The following CCDC91 variants were observed in gnomAD, a reference collection of about 807,000 sequenced individuals.
CCDC91 encodes coiled-coil domain containing 91, also known as coiled-coil domain-containing protein 91.
Under a neutral mutation model 63.2 loss-of-function variants are expected in CCDC91, and 48 were observed. The ratio of observed to expected loss-of-function variants is 0.76; its 90% CI spans 0.60 to 0.97. The LOEUF is 0.97. Ranked by LOEUF, CCDC91 falls within the 50% of genes least tolerant of loss-of-function variation. The pLI is 0.00. For synonymous variants in CCDC91, 167 were observed against 165.8 expected (o/e 1.01, Z -0.06); for missense variants, 500 against 494.6 (o/e 1.01, Z -0.10).
chr12:28,400,909 A>G (rs1222701342), intron 8 of CCDC91, among the ~76,000 whole-genome samples: 1 of 152,174 alleles, frequency 6.6e-6, no homozygotes, highest in Non-Finnish European at 1.5e-5. Flanking sequence ...CATTTTGGTC[A>G]AAGCCATTAA....
intron 6 of CCDC91, among the ~76,000 whole-genome samples, chr12:28,321,946 A>G (rs1378580149): frequency 6.6e-6 from 1 of 151,640 alleles, no homozygotes; most frequent in Non-Finnish European, 1.5e-5. Context: ...GTGTATAGTG[A>G]TACATATATC....
rs528818328 is a variant in CCDC91, at chr12:28,255,476, T to C, written c.-14-1726T>C. On this transcript the variant is annotated intron_variant, in intron 1 of 12. Coordinates refer to ENST00000536442, the MANE Select transcript of CCDC91 (RefSeq NM_018318.5). ...TTTCATAATTTCTTCATGAAAAATGTAGCCACATACAGATTTCTGTTCACT... is the reference window on the plus strand; with the variant it reads ...TTTCATAATTTCTTCATGAAAAATGCAGCCACATACAGATTTCTGTTCACT... The C allele has an allele frequency of 2.0e-5, 3 of 152,354 alleles. No homozygotes were observed. The East Asian group carries it at 5.8e-4, about 29-fold the overall frequency. The allele number at this position is 152,354 out of a possible 1,614,324, so 9.4% of individuals were successfully genotyped here.
chr12:28,408,645 A>AT (rs929457900), intron 8 of CCDC91, among the ~76,000 whole-genome samples: 4 of 151,670 alleles, frequency 2.6e-5, no homozygotes, highest in East Asian at 1.9e-4. Flanking sequence ...TTATTTTTTT[A>AT]TTTTTTTATT....
chr12:28,298,711 C>T (rs1937688595), intron 3 of CCDC91, among the ~76,000 whole-genome samples: 1 of 147,438 alleles, frequency 6.8e-6, no homozygotes. Context: ...TTTATGTTAG[C>T]ATTTCCTTGA....
At chr12:28,208,959 C>G (rs1363900752) in intron 1 of CCDC91, among the ~76,000 whole-genome samples, 2 of 152,078 alleles carry the variant, frequency 1.3e-5, no homozygotes, top group African/African-American at 4.8e-5. Flanking sequence ...TGCCACCATG[C>G]CCGGCTAATT....
intron 7 of CCDC91, among the ~76,000 whole-genome samples, chr12:28,373,235 A>G (rs1348045269): frequency 6.6e-6 from 1 of 152,002 alleles, no homozygotes; most frequent in Non-Finnish European, 1.5e-5. Context: ...ATACACTATG[A>G]GTTATTTTTA....
At chr12:28,421,986 G>A (rs1326112364) in intron 8 of CCDC91, among the ~76,000 whole-genome samples, 1 of 151,934 alleles carries the variant, frequency 6.6e-6, no homozygotes, top group Admixed American at 6.6e-5. Context: ...TTTCTAATTT[G>A]CCTATACATA....
intron 3 of CCDC91, among the ~76,000 whole-genome samples, chr12:28,259,736 A>T (rs1303961702): frequency 1.3e-5 from 2 of 152,074 alleles, no homozygotes; most frequent in East Asian, 3.9e-4. Flanking sequence ...GAGGTGCCCA[A>T]TAACTTTTTT....
chr12:28,259,064 A>C (rs117291481), intron 2 of CCDC91, among the ~76,000 whole-genome samples: 2,048 of 152,102 alleles, frequency 0.013, 21 homozygotes, highest in Non-Finnish European at 0.022. Context: ...AAAATACTTA[A>C]ATATAAAGTT....
chr12:28,412,757 GC>G lies in CCDC91; in HGVS notation c.762+21349del, dbSNP rs1426090147. ...TGTTCCATTTCTGTCCTTTCAGAGTGCCCTTTTTTCAATCCTTCCTGCGATT... is the reference window on the plus strand; with the variant it reads ...TGTTCCATTTCTGTCCTTTCAGAGTGCCTTTTTTCAATCCTTCCTGCGATT... On this transcript the variant is annotated intron_variant, in intron 8 of 12. Transcript: ENST00000536442. The G allele has an allele frequency of 8.8e-6, 4 of 453,482 alleles. No homozygotes were observed. The East Asian group carries it at 2.8e-4, about 32-fold the overall frequency. 28.1% of individuals were successfully genotyped at this position (453,482 alleles called of 1,614,324 possible). A position where few individuals can be genotyped will look rare whatever the true frequency, so the allele number is the denominator to read the frequency against.
intron 12 of CCDC91, among the ~76,000 whole-genome samples, chr12:28,495,995 T>A (rs1420502758): frequency 6.6e-6 from 1 of 151,638 alleles, no homozygotes; most frequent in Non-Finnish European, 1.5e-5. Context: ...CTAAAATCTT[T>A]CCGATTTTCC....
intron 6 of CCDC91, among the ~76,000 whole-genome samples, chr12:28,354,517 TA>T (rs1467113870): frequency 6.6e-6 from 1 of 152,176 alleles, no homozygotes; most frequent in Non-Finnish European, 1.5e-5. Context: ...AGGGAGGTCA[TA>T]ATTCAACCCA....
At chr12:28,297,525 T>C (rs1488206060) in intron 3 of CCDC91, among the ~76,000 whole-genome samples, 1 of 151,962 alleles carries the variant, frequency 6.6e-6, no homozygotes, top group Non-Finnish European at 1.5e-5. Context: ...TCTCTAAATC[T>C]TAGAACACCA....
At chr12:28,474,757 G>T (rs1592776847) in intron 11 of CCDC91, among the ~76,000 whole-genome samples, 1 of 148,976 alleles carries the variant, frequency 6.7e-6, no homozygotes, top group Non-Finnish European at 1.5e-5. Flanking sequence ...TGGAGATATT[G>T]AGAGAACATG....
At chr12:28,507,129 G>A in intron 12 of CCDC91, among the ~76,000 whole-genome samples, 1 of 151,906 alleles carries the variant, frequency 6.6e-6, no homozygotes, top group Non-Finnish European at 1.5e-5. Flanking sequence ...AGGCTTGTAT[G>A]TTTCTTGGTT....
chr12:28,346,855 C>T (rs904869707), intron 6 of CCDC91, among the ~76,000 whole-genome samples: 6 of 152,224 alleles, frequency 3.9e-5, no homozygotes, highest in Non-Finnish European at 7.4e-5. Flanking sequence ...TCTATCCTTT[C>T]CCTTGATGTT....
At chr12:28,247,707 A>G (rs1249710651) in intron 1 of CCDC91, among the ~76,000 whole-genome samples, 1 of 152,058 alleles carries the variant, frequency 6.6e-6, no homozygotes, top group Non-Finnish European at 1.5e-5. Context: ...GATTGAGAGG[A>G]GTAGATGTAT....
intron 1 of CCDC91, among the ~76,000 whole-genome samples, chr12:28,217,111 G>C (rs1457972408): frequency 6.6e-6 from 1 of 152,028 alleles, no homozygotes; most frequent in Admixed American, 6.6e-5. Context: ...AGGAAATTAC[G>C]GCCCGAACTA....
At chr12:28,330,651 C>G (rs936464341) in intron 6 of CCDC91, among the ~76,000 whole-genome samples, 8 of 151,944 alleles carry the variant, frequency 5.3e-5, no homozygotes, top group African/African-American at 1.9e-4. Context: ...GTTTTTGTTG[C>G]CATTGCTTTT....
Sources: allele counts gnomAD v4.1 joint callset (sites outside exome capture counted in the v4.1 genomes callset), GRCh38; gene constraint gnomAD v4.1.1; transcripts MANE v1.5; gene names NCBI Gene and HGNC (gene_info 2026-07-23, HGNC 2026-07-21).